IL1RAPL1: variants seen among roughly 807,000 people sequenced by gnomAD.
The protein encoded by IL1RAPL1 is interleukin 1 receptor accessory protein like 1, also known as interleukin-1 receptor accessory protein-like 1.
A neutral mutation model predicts 48.4 loss-of-function variants in IL1RAPL1; 3 were observed. The observed-to-expected ratio is 0.06, with a 90% CI of 0.03 to 0.16. The LOEUF is 0.16. Among genes scored for constraint, IL1RAPL1 ranks in the 10% least tolerant of loss-of-function variants. The pLI is 1.00. For synonymous variants in IL1RAPL1, 185 were observed against 187.7 expected, an observed-to-expected ratio of 0.99 and a Z score of 0.12; for missense variants, 349 against 530.6, an observed-to-expected ratio of 0.66 and a Z score of 3.36.
intron 5 of IL1RAPL1, among the ~76,000 whole-genome samples, chrX:29,430,125 G>GTC (rs56659248): frequency 0.46 from 48,145 of 105,124 alleles, 8,731 homozygotes; most frequent in East Asian, 0.77. Flanking sequence ...CTCTCTGTCT[G>GTC]TCTCTCTCTC....
At chrX:29,880,536 G>A (rs958587909) in intron 6 of IL1RAPL1, among the ~76,000 whole-genome samples, 13 of 111,811 alleles carry the variant, frequency 1.2e-4, no homozygotes, top group South Asian at 3.7e-4. Flanking sequence ...AATTATGTTC[G>A]TTTTATGGCA....
intron 6 of IL1RAPL1, among the ~76,000 whole-genome samples, chrX:29,735,404 T>C (rs1429491667): frequency 2.7e-5 from 3 of 111,850 alleles, no homozygotes; most frequent in Non-Finnish European, 5.6e-5. Flanking sequence ...CCATCTGCTA[T>C]CTTAATTACC....
intron 2 of IL1RAPL1, among the ~76,000 whole-genome samples, chrX:28,799,476 T>C (rs1263823460): frequency 8.9e-6 from 1 of 112,647 alleles, no homozygotes; most frequent in East Asian, 2.8e-4. Context: ...CTCTACACCA[T>C]AAAGATGAAA....
At chrX:29,715,310 C>T (rs1927452978) in intron 6 of IL1RAPL1, among the ~76,000 whole-genome samples, 2 of 111,389 alleles carry the variant, frequency 1.8e-5, no homozygotes, top group Non-Finnish European at 3.8e-5. Flanking sequence ...AAAGACTGGA[C>T]TCAGAGTTTC....
chrX:29,524,846 T>C (rs1026813004), intron 5 of IL1RAPL1, among the ~76,000 whole-genome samples: 1 of 112,361 alleles, frequency 8.9e-6, no homozygotes, highest in African/African-American at 3.2e-5. Context: ...AGATCTCTGC[T>C]TTTCTATTAG....
chrX:29,814,531 T>G (rs1053651596), intron 6 of IL1RAPL1, among the ~76,000 whole-genome samples: 2 of 111,760 alleles, frequency 1.8e-5, no homozygotes, highest in African/African-American at 6.5e-5. Flanking sequence ...TTCTGTAGGT[T>G]GTCTGAGTAC....
chrX:29,599,401 A>C (rs951010656), intron 5 of IL1RAPL1, among the ~76,000 whole-genome samples: 1 of 112,158 alleles, frequency 8.9e-6, no homozygotes, highest in African/African-American at 3.2e-5. Flanking sequence ...TTAATCTAAT[A>C]GGTTTTCCTT....
chrX:29,569,536 C>T (rs1280854263), intron 5 of IL1RAPL1, among the ~76,000 whole-genome samples: 2 of 110,616 alleles, frequency 1.8e-5, no homozygotes, highest in African/African-American at 6.6e-5. Context: ...ACTCTCTTCA[C>T]TTTATCACAT....
chrX:28,981,753 C>T (rs768047815), intron 2 of IL1RAPL1, among the ~76,000 whole-genome samples: 102 of 111,761 alleles, frequency 9.1e-4, no homozygotes, highest in Non-Finnish European at 1.6e-3. Flanking sequence ...AGTTGGCATT[C>T]ACGGCAGTTA....
At chrX:29,577,260 T>C (rs1266753314) in intron 5 of IL1RAPL1, among the ~76,000 whole-genome samples, 1 of 111,902 alleles carries the variant, frequency 8.9e-6, no homozygotes, top group Non-Finnish European at 1.9e-5. Context: ...GCACATTTTA[T>C]AAATGAGTGA....
At chrX:28,829,810 G>A (rs182355975) in intron 2 of IL1RAPL1, among the ~76,000 whole-genome samples, 83 of 110,232 alleles carry the variant, frequency 7.5e-4, no homozygotes, top group African/African-American at 2.5e-3. Flanking sequence ...CTCCCACCTC[G>A]GCCTCCCAAA....
At chrX:29,886,641 A>AAGAT (rs1932174747) in intron 6 of IL1RAPL1, among the ~76,000 whole-genome samples, 2 of 112,386 alleles carry the variant, frequency 1.8e-5, no homozygotes, top group African/African-American at 6.5e-5. Flanking sequence ...GGCTTTGAAA[A>AAGAT]AGATAAAATA....
intron 5 of IL1RAPL1, among the ~76,000 whole-genome samples, chrX:29,622,492 C>T (rs928119240): frequency 8.9e-6 from 1 of 111,754 alleles, no homozygotes; most frequent in Non-Finnish European, 1.9e-5. Flanking sequence ...GACATAATCT[C>T]TTACTTCAAC....
intron 5 of IL1RAPL1, among the ~76,000 whole-genome samples, chrX:29,518,805 C>A (rs908367099): frequency 9.0e-6 from 1 of 111,582 alleles, no homozygotes; most frequent in Admixed American, 9.5e-5. Context: ...GTGACATGCT[C>A]CAACGTACGT....
intron 2 of IL1RAPL1, among the ~76,000 whole-genome samples, chrX:29,224,324 A>T (rs1272834741): frequency 1.8e-5 from 2 of 111,359 alleles, no homozygotes; most frequent in African/African-American, 6.5e-5. Flanking sequence ...ACCGGCTCCA[A>T]GCATTTATTT....
intron 6 of IL1RAPL1, among the ~76,000 whole-genome samples, chrX:29,711,069 T>TATACACACAC (rs1555913970): frequency 3.2e-4 from 28 of 86,433 alleles, no homozygotes; most frequent in East Asian, 8.3e-4. Flanking sequence ...TGTGTGTGTA[T>TATACACACAC]ACACACACAC....
intron 6 of IL1RAPL1, among the ~76,000 whole-genome samples, chrX:29,765,914 G>A (rs754924807): frequency 3.6e-5 from 4 of 111,128 alleles, no homozygotes; most frequent in Non-Finnish European, 7.5e-5. Flanking sequence ...TGAGTACAAT[G>A]TACACTACTT....
At chrX:29,070,911 A>G (rs182578733) in intron 2 of IL1RAPL1, among the ~76,000 whole-genome samples, 87 of 111,420 alleles carry the variant, frequency 7.8e-4, no homozygotes, top group Admixed American at 2.9e-3. Flanking sequence ...ATATCTAACC[A>G]TATTGCACAA....
At position 29,396,432 on chromosome X, in the gene IL1RAPL1, C is replaced by A. The variant is rs372833369; in HGVS notation, c.537C>A (p.Ile179=). 32 of 1,208,116 alleles carry A rather than the reference C, an allele frequency of 2.6e-5. No individual in the cohort carries two copies. The African/African-American group carries it at 5.4e-4, about 20-fold the overall frequency. The change falls in exon 4 of 11, where the codon ATC becomes ATA. Residue 179 remains isoleucine (I), a synonymous_variant. Transcript: ENST00000378993. ...DFLLPTREPE[I]LWYKECRTKT... ...TACTGCCAACCAGAGAACCTGAAAT[C>A]CTTTGGTACAAGGTATGGACTGCGG...
Sources: allele counts gnomAD v4.1 joint callset (sites outside exome capture counted in the v4.1 genomes callset), GRCh38; gene constraint gnomAD v4.1.1; transcripts MANE v1.5; gene names NCBI Gene and HGNC (gene_info 2026-07-23, HGNC 2026-07-21).